The following C4orf50 variants were observed in gnomAD, a reference collection of about 807,000 sequenced individuals.
C4orf50 encodes uncharacterized protein C4orf50.
Under a neutral mutation model 77.2 loss-of-function variants are expected in C4orf50, and 80 were observed. That is an observed-to-expected ratio of 1.04 (90% CI 0.87 to 1.25). The LOEUF (loss-of-function observed/expected upper bound fraction) is 1.25, where lower values mean the gene tolerates loss of function less well. C4orf50 is among the 50% of genes most tolerant of loss of function. The pLI is 0.00. For missense variants in C4orf50, 1,257 were observed against 1,152.9 expected (o/e 1.09, Z -1.31); for synonymous variants, 532 against 465.3 (o/e 1.14, Z -1.84).
At position 6,004,046 on chromosome 4, in the gene C4orf50, TG is replaced by T. The variant is rs1429110418; in HGVS notation, c.963+3949del. 4.9e-5 allele frequency among the ~76,000 whole-genome samples: 5 copies of T among 101,070 alleles called. No homozygotes were observed. In the East Asian group the frequency reaches 8.5e-4, roughly 17 times the overall value. 66.3% of individuals were successfully genotyped at this position (101,070 alleles called of 152,430 possible). ...GATAATGTGATAGTGATGATGGTGA[TG>T]GTGATGATGGTGATGATGGTGATGG... On this transcript the variant is annotated intron_variant, in intron 25 of 33. Transcript: ENST00000531445.
chr4:5,955,684 G>T (rs925476026), downstream of C4orf50, among the ~76,000 whole-genome samples: 1 of 152,070 alleles, frequency 6.6e-6, no homozygotes, highest in South Asian at 2.1e-4. This position sits in a 1 kb window ranked among gnomAD's most constrained non-coding sequence, Gnocchi z 5.1. Context: ...AGTCATCCCC[G>T]GCAGCCAGAT....
At position 5,919,887 on chromosome 4, in the gene C4orf50, C is replaced by T. The variant is rs919868681; in HGVS notation, c.*2475-21699G>A. ...CCCTATCCATGGGTTCCACATCCATCGATTCAACCAACCAGGGATTGAAAA... is the reference window on the plus strand; with the variant it reads ...CCCTATCCATGGGTTCCACATCCATTGATTCAACCAACCAGGGATTGAAAA... On this transcript the variant is annotated intron_variant, in intron 7 of 7. Coordinates refer to the C4orf50 transcript ENST00000324058. This position sits in a 1 kb window ranked among gnomAD's most constrained non-coding sequence, Gnocchi z 6.5. Among the ~76,000 whole-genome samples, 10 of 152,310 alleles carry T rather than the reference C, an allele frequency of 6.6e-5. No homozygotes were observed. The highest frequency in any genetic ancestry group is 3.3e-4 in the Admixed American group (5 of 15,310).
chr4:5,953,844 C>A (rs772914311), downstream of C4orf50, among the ~76,000 whole-genome samples: 2 of 152,234 alleles, frequency 1.3e-5, no homozygotes, highest in Non-Finnish European at 2.9e-5. Context: ...GATGCCCGTT[C>A]CAGGTGGACA....
exon 33 of C4orf50, chr4:5,965,128 T>G (rs377463853): frequency 1.6e-5 from 26 of 1,612,886 alleles, no homozygotes; most frequent in Middle Eastern, 3.3e-4. Context: ...ATTTCAGGAT[T>G]CAAGAGGTAT....
intron 7 of C4orf50, among the ~76,000 whole-genome samples, chr4:5,934,878 G>C (rs868245477): frequency 2.6e-4 from 40 of 152,272 alleles, no homozygotes; most frequent in African/African-American, 9.6e-4. Context: ...ATAGGCTTAA[G>C]TGCATACACG....
chr4:5,918,197 A>C (rs903529955), intron 7 of C4orf50, among the ~76,000 whole-genome samples: 7 of 152,196 alleles, frequency 4.6e-5, no homozygotes, highest in African/African-American at 1.7e-4. Flanking sequence ...CCACCGCAGC[A>C]GGGATGGTGA....
intron 25 of C4orf50, among the ~76,000 whole-genome samples, chr4:5,996,132 C>A (rs376448935): frequency 6.6e-6 from 1 of 152,234 alleles, no homozygotes; most frequent in Non-Finnish European, 1.5e-5. Context: ...TGCAGCTTTG[C>A]GCCAGCTTCC....
intron 25 of C4orf50, among the ~76,000 whole-genome samples, chr4:6,004,036 A>ATGATGG (rs1316595268): frequency 6.1e-5 from 3 of 48,876 alleles, no homozygotes; most frequent in African/African-American, 1.6e-4. Context: ...TGTGATAGTG[A>ATGATGG]TGATGGTGAT....
exon 28 of C4orf50, chr4:5,990,424 G>A: frequency 2.4e-6 from 1 of 409,822 alleles, no homozygotes; most frequent in Middle Eastern, 6.2e-4. Context: ...CAGATCCTTG[G>A]GGTGTTTTTT....
chr4:5,998,883 A>C (rs1472232936), intron 25 of C4orf50, among the ~76,000 whole-genome samples: 1 of 152,134 alleles, frequency 6.6e-6, no homozygotes, highest in African/African-American at 2.4e-5. Context: ...GCCAAATATG[A>C]ATGGTTCTTA....
chr4:5,930,076 G>C (rs994264616), intron 7 of C4orf50, among the ~76,000 whole-genome samples: 1 of 152,164 alleles, frequency 6.6e-6, no homozygotes, highest in Non-Finnish European at 1.5e-5. Context: ...TGTTGATAGA[G>C]AAAACATTGG....
At chr4:5,993,308 A>C (rs1721398581) in intron 26 of C4orf50, among the ~76,000 whole-genome samples, 1 of 152,238 alleles carries the variant, frequency 6.6e-6, no homozygotes, top group Non-Finnish European at 1.5e-5. Context: ...CTGAGTCGAC[A>C]TGGCAGCTCT....
In C4orf50 at chr4:5,959,050, C is replaced by A. The variant is rs188674313; in HGVS notation, c.*325G>T. ...CAGCTGTGACAACCAAAAATGTCTC[C>A]AGACATGGCCAGATTTTCCCTGGGG... On this transcript the variant is annotated 3_prime_UTR_variant, in exon 34 of 34. Coordinates refer to ENST00000531445, the Ensembl canonical transcript of C4orf50. 1.5e-3 allele frequency: 362 copies of A among 245,698 alleles called. 1 individual carries two copies. Among genetic ancestry groups the A allele is most frequent in the Non-Finnish European group, 2.4e-3 (307 of 125,796 alleles). The allele number at this position is 245,698 out of a possible 1,614,324, so 15.2% of individuals were successfully genotyped here. A position where few individuals can be genotyped will look rare whatever the true frequency, so the allele number is the denominator to read the frequency against.
intron 7 of C4orf50, chr4:5,903,087 G>T (rs978969694): frequency 1.3e-5 from 2 of 152,194 alleles, no homozygotes; most frequent in Admixed American, 1.3e-4. Context: ...GTGGAAACCA[G>T]GCAGCTTTTT....
rs1029532284 is a variant in C4orf50 at position 6,017,393 on chromosome 4, G to A, written c.287+752C>T. On this transcript the variant is annotated intron_variant, in intron 23 of 33. Coordinates refer to ENST00000531445, the Ensembl canonical transcript of C4orf50. The surrounding 1 kb of genome is among the most constrained non-coding windows in gnomAD (Gnocchi z 4.7). ...CTGAGTTACAGCCACAGTGGGAGAT[G>A]TCACTGTGGGAACAAGAGTGACTTT... Among the ~76,000 whole-genome samples the A allele has an allele frequency of 6.6e-6, 1 of 152,252 alleles. No individual in the cohort carries two copies. Among genetic ancestry groups the A allele is most frequent in the Non-Finnish European group, 1.5e-5 (1 of 68,048 alleles).
intron 7 of C4orf50, among the ~76,000 whole-genome samples, chr4:5,937,276 T>C (rs963282898): frequency 1.3e-5 from 2 of 151,998 alleles, no homozygotes; most frequent in Non-Finnish European, 2.9e-5. Context: ...CTGGGAAACA[T>C]AAAAGATGCA....
In C4orf50 at chr4:6,007,340, G is replaced by A. The variant is rs1255550583; in HGVS notation, c.963+656C>T. 6.6e-6 allele frequency among the ~76,000 whole-genome samples: 1 copy of A among 152,062 alleles called. No homozygotes were observed. Among genetic ancestry groups the A allele is most frequent in the East Asian group, 1.9e-4 (1 of 5,182 alleles). ...TCTTTGGGAGGTAATTAGGTCCTGA[G>A]GGTGGAGGCTTCATGAATGGTATTA... On this transcript the variant is annotated intron_variant, in intron 25 of 33. Transcript: ENST00000531445. The surrounding 1 kb of genome is among the most constrained non-coding windows in gnomAD (Gnocchi z 4.1).
chr4:6,013,064 G>A (rs1330849368), intron 23 of C4orf50, among the ~76,000 whole-genome samples: 1 of 152,206 alleles, frequency 6.6e-6, no homozygotes, highest in East Asian at 1.9e-4. Context: ...GGCTAGTTCA[G>A]CACTATGACC....
At chr4:5,974,331 G>A (rs2108775752) in intron 30 of C4orf50, among the ~76,000 whole-genome samples, 1 of 152,350 alleles carries the variant, frequency 6.6e-6, no homozygotes, top group South Asian at 2.1e-4. Flanking sequence ...TGATGGTGAT[G>A]AGAGCGGTGG....
Sources: allele counts gnomAD v4.1 joint callset (sites outside exome capture counted in the v4.1 genomes callset), GRCh38; gene constraint gnomAD v4.1.1; non-coding constraint Gnocchi (gnomAD v3.1); transcripts MANE v1.5; gene names NCBI Gene and HGNC (gene_info 2026-07-23, HGNC 2026-07-21).